Variants in CACHD1 observed in about 807,000 individuals in gnomAD.
CACHD1 encodes the protein VWFA and cache domain-containing protein 1.
Under a neutral mutation model 138.7 loss-of-function variants are expected in CACHD1, and 71 were observed. The observed-to-expected ratio is 0.51, with a 90% CI of 0.42 to 0.62. The LOEUF (loss-of-function observed/expected upper bound fraction) is 0.62, where lower values mean the gene tolerates loss of function less well. CACHD1 is among the 20% of genes least tolerant of loss of function. CACHD1 has a pLI of 0.00. For synonymous variants in CACHD1, 578 were observed against 591.5 expected (o/e 0.98, Z 0.33); for missense variants, 1,389 against 1,625.3 (o/e 0.85, Z 2.50).
chr1:64,485,346 G>A (rs1483380613), intron 1 of CACHD1, among the ~76,000 whole-genome samples: 1 of 152,090 alleles, frequency 6.6e-6, no homozygotes, highest in Admixed American at 6.5e-5. Context: ...GGAAACCATC[G>A]ATATATTCTC....
At chr1:64,542,808 T>C (rs530580134) in intron 1 of CACHD1, among the ~76,000 whole-genome samples, 1 of 152,286 alleles carries the variant, frequency 6.6e-6, no homozygotes, top group South Asian at 2.1e-4. Context: ...ACTTACAATA[T>C]TCAGCTTTAT....
intron 2 of CACHD1, among the ~76,000 whole-genome samples, chr1:64,561,632 C>T (rs1275369854): frequency 1.3e-5 from 2 of 151,770 alleles, no homozygotes; most frequent in African/African-American, 2.4e-5. Context: ...ATGGGAGGAT[C>T]GCTTGAGCCC....
At chr1:64,641,752 C>A in intron 7 of CACHD1, 68 bp from the exon 8 acceptor site, 1 of 1,279,484 alleles carries the variant, frequency 7.8e-7, no homozygotes, top group Non-Finnish European at 1.1e-6. Flanking sequence ...AGGACATGAA[C>A]AGGAAACTGA....
chr1:64,608,568 T>C (rs1647411941), intron 4 of CACHD1, among the ~76,000 whole-genome samples: 1 of 152,192 alleles, frequency 6.6e-6, no homozygotes, highest in South Asian at 2.1e-4. Flanking sequence ...CTGGGTCGTG[T>C]GTCCATTCAT....
In CACHD1 at chr1:64,527,399, C is replaced by T. The variant is rs114200291; in HGVS notation, c.199-23195C>T. Among the ~76,000 whole-genome samples, 451 of 152,338 alleles carry T rather than the reference C, an allele frequency of 3.0e-3. 4 individuals carry two copies. Among genetic ancestry groups the T allele is most frequent in the African/African-American group, 0.01 (435 of 41,578 alleles). ...TCACAGCACATCTGTATTTCATCCTCCCAACCTTAGGTGAGACAGTAGGCG... is the reference window on the plus strand; with the variant it reads ...TCACAGCACATCTGTATTTCATCCTTCCAACCTTAGGTGAGACAGTAGGCG... On this transcript the variant is annotated intron_variant, in intron 1 of 26. Coordinates refer to ENST00000651257, the MANE Select transcript of CACHD1 (RefSeq NM_020925.4).
At chr1:64,522,268 G>T (rs1430139420) in intron 1 of CACHD1, among the ~76,000 whole-genome samples, 1 of 151,708 alleles carries the variant, frequency 6.6e-6, no homozygotes, top group Non-Finnish European at 1.5e-5. Flanking sequence ...ATAGATGTAT[G>T]GGTTGAAACA....
At chr1:64,509,410 A>G (rs2100344178) in intron 1 of CACHD1, among the ~76,000 whole-genome samples, 1 of 152,338 alleles carries the variant, frequency 6.6e-6, no homozygotes, top group South Asian at 2.1e-4. Flanking sequence ...AAAGAGCACC[A>G]TCTTTAATCC....
intron 14 of CACHD1, 43 bp downstream of exon 14, chr1:64,663,880 C>T: frequency 6.2e-7 from 1 of 1,611,234 alleles, no homozygotes. Context: ...TCCCCCTCCA[C>T]AGGCCCAGCA....
chr1:64,597,535 T>C (rs1389152316), intron 3 of CACHD1, among the ~76,000 whole-genome samples: 1 of 147,922 alleles, frequency 6.8e-6, no homozygotes, highest in African/African-American at 2.5e-5. Context: ...TTTTTTTTTT[T>C]TTTTTTTTTT....
chr1:64,517,068 G>A (rs1345824098), intron 1 of CACHD1, among the ~76,000 whole-genome samples: 3 of 152,138 alleles, frequency 2.0e-5, no homozygotes, highest in African/African-American at 4.8e-5. Flanking sequence ...GACATGAAGC[G>A]GGGAAAGCAC....
chr1:64,685,905 A>G (rs927590525), intron 26 of CACHD1, among the ~76,000 whole-genome samples: 4 of 150,660 alleles, frequency 2.7e-5, no homozygotes, highest in South Asian at 2.1e-4. Flanking sequence ...AAATGAAATG[A>G]CATATGATAG....
intron 7 of CACHD1, among the ~76,000 whole-genome samples, chr1:64,639,530 T>C (rs952826443): frequency 6.6e-6 from 1 of 152,236 alleles, no homozygotes; most frequent in African/African-American, 2.4e-5. Flanking sequence ...GGTATCAAAA[T>C]TGGTATTAAG....
intron 1 of CACHD1, among the ~76,000 whole-genome samples, chr1:64,512,760 A>G (rs972044710): frequency 6.6e-6 from 1 of 152,256 alleles, no homozygotes; most frequent in Admixed American, 6.5e-5. Context: ...TGTTTTGAAT[A>G]GCTGATACAA....
intron 1 of CACHD1, among the ~76,000 whole-genome samples, chr1:64,550,041 T>C (rs1162415729): frequency 6.6e-6 from 1 of 152,136 alleles, no homozygotes; most frequent in Non-Finnish European, 1.5e-5. Context: ...GCTGTCATAT[T>C]TCCTGGCATG....
At chr1:64,655,225 C>T (rs1016045928) in intron 12 of CACHD1, among the ~76,000 whole-genome samples, 3 of 152,146 alleles carry the variant, frequency 2.0e-5, no homozygotes, top group Non-Finnish European at 1.5e-5. Flanking sequence ...CATGCTAGCA[C>T]CAAAACTATC....
intron 16 of CACHD1, among the ~76,000 whole-genome samples, chr1:64,668,806 A>AAGAG: frequency 6.6e-6 from 1 of 152,350 alleles, no homozygotes; most frequent in East Asian, 1.9e-4. Context: ...TTAAAATGCA[A>AAGAG]GTCAACTACC....
In CACHD1 at chr1:64,691,785, A is replaced by G; in HGVS notation, c.*224A>G. Reference sequence around the variant, plus strand: ...AGGCTGGTTCTGAAATGGAGGGGAAATAAGCCTGATGAACAGACCTGCCAT... The same window carrying G: ...AGGCTGGTTCTGAAATGGAGGGGAAGTAAGCCTGATGAACAGACCTGCCAT... On this transcript the variant is annotated 3_prime_UTR_variant, in exon 27 of 27. Coordinates refer to ENST00000651257, the MANE Select transcript of CACHD1 (RefSeq NM_020925.4). 2 of 560,442 alleles carry G rather than the reference A, an allele frequency of 3.6e-6. No homozygotes were observed. The highest frequency in any genetic ancestry group is 2.1e-5 in the South Asian group (1 of 46,708). 34.7% of individuals were successfully genotyped at this position (560,442 alleles called of 1,614,324 possible).
At chr1:64,567,916 G>A (rs1412745217) in intron 2 of CACHD1, among the ~76,000 whole-genome samples, 3 of 152,128 alleles carry the variant, frequency 2.0e-5, no homozygotes, top group Non-Finnish European at 2.9e-5. Context: ...GGTGCCTTCT[G>A]TGCTGTTAGC....
At chr1:64,634,450 C>G (rs1215459495) in intron 7 of CACHD1, among the ~76,000 whole-genome samples, 190 bp downstream of exon 7, 2 of 151,890 alleles carry the variant, frequency 1.3e-5, no homozygotes, top group East Asian at 3.9e-4. Flanking sequence ...GTGGTGTGAT[C>G]ATGGCTCACT....
Sources: allele counts gnomAD v4.1 joint callset (sites outside exome capture counted in the v4.1 genomes callset), GRCh38; gene constraint gnomAD v4.1.1; transcripts MANE v1.5; gene names NCBI Gene and HGNC (gene_info 2026-07-23, HGNC 2026-07-21).